The following GUCY1A1 variants were observed in gnomAD, a reference collection of about 807,000 sequenced individuals.
GUCY1A1 encodes the protein guanylate cyclase soluble subunit alpha-1.
Under a neutral mutation model 64.5 loss-of-function variants are expected in GUCY1A1, and 48 were observed. That is an observed-to-expected ratio of 0.74 (90% confidence interval 0.59 to 0.95). GUCY1A1 has a LOEUF of 0.95. GUCY1A1 is among the 40% of genes least tolerant of loss of function. GUCY1A1 has a pLI of 0.00. For synonymous variants in GUCY1A1, 308 were observed against 303.4 expected (o/e 1.02, Z -0.16); for missense variants, 804 against 825.3 (o/e 0.97, Z 0.32).
chr4:155,717,449 G>T lies in GUCY1A1; in HGVS notation c.1716+147G>T, dbSNP rs187899590. ...TAGAGAACACAATCTTCTCTAACTT[G>T]TTTACATTGGAAGAAATTTATTATA... On this transcript the variant is annotated intron_variant, in intron 8 of 9. Coordinates refer to ENST00000506455, the MANE Select transcript of GUCY1A1 (RefSeq NM_001130682.3). 8.9e-6 allele frequency: 4 copies of T among 449,780 alleles called. No individual in the cohort carries two copies. The Admixed American group carries it at 1.7e-4, about 19-fold the overall frequency. The allele number at this position is 449,780 out of a possible 1,614,324, so 27.9% of individuals were successfully genotyped here.
intron 8 of GUCY1A1, among the ~76,000 whole-genome samples, chr4:155,720,357 AT>A (rs1733809296): frequency 6.6e-6 from 1 of 151,936 alleles, no homozygotes; most frequent in Non-Finnish European, 1.5e-5. Flanking sequence ...CTATCTATCT[AT>A]CTATCTATCT....
In GUCY1A1 at chr4:155,713,552, A is replaced by T. The variant is rs1195646892; in HGVS notation, c.1541A>T (p.Asp514Val). The T allele has an allele frequency of 6.8e-6, 11 of 1,613,706 alleles. No homozygotes were observed. The highest frequency in any genetic ancestry group is 9.3e-6 in the Non-Finnish European group (11 of 1,179,720). Residue 514 changes from aspartate to valine, a missense_variant, in exon 7 of 10, where the codon GAC becomes GTC. Physicochemically the swap from Asp to Val is radical, Grantham distance 152. Transcript: ENST00000506455. ...TMLNALYTRF[D>V]QQCGELDVYK... ...CTCAATGCACTGTACACTCGCTTCG[A>T]CCAGCAGTGTGGAGAGCTGGATGTC...
Position 155,672,355 on chromosome 4 carries a change from G to A in GUCY1A1, c.-113+4936G>A, listed in dbSNP as rs112710327. 9.0e-3 allele frequency among the ~76,000 whole-genome samples: 1,363 copies of A among 152,154 alleles called. 22 individuals are homozygous for A. The highest frequency in any genetic ancestry group is 0.02 in the Middle Eastern group (6 of 294). ...TACCTTTGGCATATTCCTAGACACC[G>A]TCCTTTACGTTAGACTCCTGCTTTA... On this transcript the variant is annotated intron_variant, in intron 2 of 9. Coordinates refer to ENST00000506455, the MANE Select transcript of GUCY1A1 (RefSeq NM_001130682.3).
rs573589729 is a variant in GUCY1A1 at position 155,719,306 on chromosome 4, C to G, written c.1716+2004C>G. Among the ~76,000 whole-genome samples the G allele has an allele frequency of 2.0e-5, 3 of 152,178 alleles. No homozygotes were observed. The South Asian group carries it at 6.2e-4, about 32-fold the overall frequency. ...AAATATCTGACGTCCCTAAAAGATA[C>G]CGGTGAAACATCACAGAGGCAGAGT... On this transcript the variant is annotated intron_variant, in intron 8 of 9. Transcript: ENST00000506455.
At chr4:155,673,614 G>GATGTGTGTGT (rs1208408122) in intron 2 of GUCY1A1, among the ~76,000 whole-genome samples, 1 of 151,438 alleles carries the variant, frequency 6.6e-6, no homozygotes, top group Non-Finnish European at 1.5e-5. Context: ...ATTCACTGCA[G>GATGTGTGTGT]GGATCAGATG....
At chr4:155,681,861 G>A (rs1439926313) in intron 2 of GUCY1A1, among the ~76,000 whole-genome samples, 1 of 152,144 alleles carries the variant, frequency 6.6e-6, no homozygotes, top group Admixed American at 6.6e-5. Context: ...CATTTCTGAA[G>A]TAAATACTCC....
intron 2 of GUCY1A1, among the ~76,000 whole-genome samples, chr4:155,673,144 A>AT (rs1220411797): frequency 6.8e-6 from 1 of 147,134 alleles, no homozygotes; most frequent in African/African-American, 2.7e-5. Flanking sequence ...TTAAAAGGAC[A>AT]TTTTTTCTTT....
chr4:155,699,457 T>C (rs1425012077), intron 3 of GUCY1A1, among the ~76,000 whole-genome samples: 1 of 152,208 alleles, frequency 6.6e-6, no homozygotes, highest in East Asian at 1.9e-4. Context: ...TCTATGTTGT[T>C]TGTTCATGAG....
Position 155,669,737 on chromosome 4 carries a change from A to G in GUCY1A1, c.-113+2318A>G, listed in dbSNP as rs140115216. On this transcript the variant is annotated intron_variant, in intron 2 of 9. Coordinates refer to ENST00000506455, the MANE Select transcript of GUCY1A1 (RefSeq NM_001130682.3). ...TTATATTTTTCAAATGAAATTGAAA[A>G]AAATTAAATGTTTATCTAACATCAC... Among the ~76,000 whole-genome samples, 1,190 of 152,318 alleles carry G rather than the reference A, an allele frequency of 7.8e-3. 22 individuals carry two copies. Among genetic ancestry groups the G allele is most frequent in the African/African-American group, 0.027 (1,117 of 41,576 alleles).
chr4:155,732,038 T>G lies in GUCY1A1; in HGVS notation c.*1807T>G, dbSNP rs113152614. 1 of 151,936 alleles carries G rather than the reference T, an allele frequency of 6.6e-6. No individual in the cohort carries two copies. Among genetic ancestry groups the G allele is most frequent in the African/African-American group, 2.4e-5 (1 of 41,520 alleles). The allele number at this position is 151,936 out of a possible 1,614,324, so 9.4% of individuals were successfully genotyped here. A position where few individuals can be genotyped will look rare whatever the true frequency, so the allele number is the denominator to read the frequency against. On this transcript the variant is annotated 3_prime_UTR_variant, in exon 10 of 10. Coordinates refer to ENST00000506455, the MANE Select transcript of GUCY1A1 (RefSeq NM_001130682.3). ...AAAAAAATGTAAATACATTTTTCTTTCTGGAACCGAACTCTTATTATGGGG... is the reference window on the plus strand; with the variant it reads ...AAAAAAATGTAAATACATTTTTCTTGCTGGAACCGAACTCTTATTATGGGG...
intron 6 of GUCY1A1, among the ~76,000 whole-genome samples, chr4:155,712,549 C>T (rs1376053330): frequency 2.0e-5 from 3 of 151,686 alleles, no homozygotes; most frequent in African/African-American, 7.3e-5. Context: ...TCTCTCACGA[C>T]AGAAAAAAAA....
chr4:155,702,348 G>A (rs1163739038), intron 3 of GUCY1A1, among the ~76,000 whole-genome samples: 1 of 152,140 alleles, frequency 6.6e-6, no homozygotes, highest in African/African-American at 2.4e-5. Context: ...GTTAACTGGA[G>A]TAACTTTCTA....
At chr4:155,724,507 C>T (rs1734399475) in intron 9 of GUCY1A1, among the ~76,000 whole-genome samples, 1 of 152,058 alleles carries the variant, frequency 6.6e-6, no homozygotes, top group Non-Finnish European at 1.5e-5. Context: ...TCATTGTGCC[C>T]TGCTAAAATA....
chr4:155,717,304 T>C lies in GUCY1A1; in HGVS notation c.1716+2T>C. ...TCTCCCCATGGAGAACCTATCAAGG[T>C]AAGGCAGATGATATATTGTCCAAAA... On this transcript the variant is annotated splice_donor_variant, in intron 8 of 9. Coordinates refer to ENST00000506455, the MANE Select transcript of GUCY1A1 (RefSeq NM_001130682.3). LOFTEE classifies it high-confidence loss of function. 1.3e-6 allele frequency: 2 copies of C among 1,566,042 alleles called. No individual in the cohort carries two copies. The highest frequency in any genetic ancestry group is 1.7e-6 in the Non-Finnish European group (2 of 1,153,712).
intron 2 of GUCY1A1, among the ~76,000 whole-genome samples, chr4:155,691,889 G>A (rs780336357): frequency 3.9e-5 from 6 of 152,048 alleles, no homozygotes; most frequent in Non-Finnish European, 8.8e-5. Flanking sequence ...TATTTCATCA[G>A]CCAGGTTTTA....
At chr4:155,690,345 T>C (rs1016142077) in intron 2 of GUCY1A1, among the ~76,000 whole-genome samples, 9 of 152,062 alleles carry the variant, frequency 5.9e-5, no homozygotes, top group Non-Finnish European at 1.0e-4. Context: ...ATTCATTTTT[T>C]CCCCCCAGGG....
chr4:155,705,135 C>A (rs1045729945), intron 4 of GUCY1A1, among the ~76,000 whole-genome samples: 2 of 152,236 alleles, frequency 1.3e-5, no homozygotes, highest in African/African-American at 4.8e-5. Flanking sequence ...CAAGCATTCA[C>A]CCGCGTTGGC....
At chr4:155,720,351 C>CTATCTATA (rs1366781303) in intron 8 of GUCY1A1, among the ~76,000 whole-genome samples, 1 of 151,174 alleles carries the variant, frequency 6.6e-6, no homozygotes, top group East Asian at 2.0e-4. Context: ...ATCTATCTAT[C>CTATCTATA]TATCTATCTA....
intron 3 of GUCY1A1, 137 bp downstream of exon 3, chr4:155,697,259 A>G: frequency 1.5e-6 from 1 of 671,790 alleles, no homozygotes; most frequent in Non-Finnish European, 2.6e-6. Flanking sequence ...TGAAACACAT[A>G]AAAATATTCT....
Sources: allele counts gnomAD v4.1 joint callset (sites outside exome capture counted in the v4.1 genomes callset), GRCh38; gene constraint gnomAD v4.1.1; transcripts MANE v1.5; gene names NCBI Gene and HGNC (gene_info 2026-07-23, HGNC 2026-07-21).